The following GLIS1 variants were observed in gnomAD, a reference collection of about 807,000 sequenced individuals.
The protein encoded by GLIS1 is GLIS family zinc finger 1, also known as zinc finger protein GLIS1.
In GLIS1, 24 loss-of-function variants were observed where a neutral mutation model predicts 63.8. The ratio of observed to expected loss-of-function variants is 0.38; its 90% CI spans 0.27 to 0.53. GLIS1 has a LOEUF of 0.53. Ranked by LOEUF, GLIS1 falls within the 20% of genes least tolerant of loss-of-function variation. The probability of loss-of-function intolerance (pLI) is 0.85; values close to 1 mark genes in which losing one functional copy is unlikely to be tolerated. For missense variants in GLIS1, 1,036 were observed against 1,074.1 expected (o/e 0.96, Z 0.50); for synonymous variants, 450 against 482.5 (o/e 0.93, Z 0.88).
chr1:53,510,048 C>CA (rs1644283473), intron 8 of GLIS1, 21 bp from the exon 9 acceptor site: 1 of 1,251,862 alleles, frequency 8.0e-7, no homozygotes, highest in African/African-American at 1.5e-5. Flanking sequence ...CAGAGGTGCC[C>CA]ATCAGCAGGC....
chr1:53,646,950 GGGAAGGGAAGGAAAGGAAGGAAAGGAA>G lies in GLIS1; in HGVS notation c.260-46699_260-46673del, dbSNP rs1412387146. ...GAAGGAAAGAAGGAAGGAAAGGGAA[GGGAAGGGAAGGAAAGGAAGGAAAGGAA>G]GGAAAGGAAGGAAAGGAAGGAAGGG... On this transcript the variant is annotated intron_variant, in intron 2 of 10. Transcript: ENST00000628545. The surrounding 1 kb of genome is among the most constrained non-coding windows in gnomAD (Gnocchi z 4.2). 6.8e-6 allele frequency among the ~76,000 whole-genome samples: 1 copy of G among 146,034 alleles called. No homozygotes were observed. Among genetic ancestry groups the G allele is most frequent in the Non-Finnish European group, 1.5e-5 (1 of 66,394 alleles).
Position 53,512,855 on chromosome 1 carries a change from C to CGGCT in GLIS1, c.1883+1766_1883+1769dup, listed in dbSNP as rs540239426. 1.3e-3 allele frequency among the ~76,000 whole-genome samples: 202 copies of CGGCT among 151,314 alleles called. 2 individuals are homozygous for CGGCT. Among genetic ancestry groups the CGGCT allele is most frequent in the African/African-American group, 4.3e-3 (177 of 41,174 alleles). On this transcript the variant is annotated intron_variant, in intron 8 of 10. Coordinates refer to ENST00000628545, the MANE Select transcript of GLIS1 (RefSeq NM_001367484.1). ...TTTTCCTTTGGTTGGAGATGTTTTT[C>CGGCT]GGCTGGTTGGTGGGTGAGCAGGTGG...
chr1:53,506,662 T>C lies in GLIS1; in HGVS notation c.2345A>G (p.Asp782Gly), dbSNP rs751734065. 3 of 1,585,228 alleles carry C rather than the reference T, an allele frequency of 1.9e-6. No individual in the cohort carries two copies. The highest frequency in any genetic ancestry group is 2.9e-5 in the African/African-American group (2 of 68,464). The change falls in exon 11 of 11, where the codon GAC becomes GGC. Residue 782 changes from aspartate (D) to glycine (G), a missense_variant. Around this residue, in one of 3 missense-constraint regions of GLIS1, gnomAD observed 400 missense variants for 400.9 expected, o/e 1.00. Coordinates refer to ENST00000628545, the MANE Select transcript of GLIS1 (RefSeq NM_001367484.1). ...GGAGGGGATGTGGCCCAGGCAGTGG[T>C]CAAAGGCTCCATTGGGGAAGAAGCC... ...DCGFFPNGAF[D>G]HCLGHIPSIY...
In GLIS1 at chr1:53,511,330, G is replaced by A. The variant is rs1644296215; in HGVS notation, c.1884-1303C>T. Reference sequence around the variant, plus strand: ...ACACCAAGTATTGACAAACAGATCAGTGCCTCTCTGAAGGAAGCAGGGCTA... The same window carrying A: ...ACACCAAGTATTGACAAACAGATCAATGCCTCTCTGAAGGAAGCAGGGCTA... On this transcript the variant is annotated intron_variant, in intron 8 of 10. Coordinates refer to ENST00000628545, the MANE Select transcript of GLIS1 (RefSeq NM_001367484.1). This position sits in a 1 kb window ranked among gnomAD's most constrained non-coding sequence, Gnocchi z 4.2. Among the ~76,000 whole-genome samples, 1 of 152,196 alleles carries A rather than the reference G, an allele frequency of 6.6e-6. No individual in the cohort carries two copies. The highest frequency in any genetic ancestry group is 2.4e-5 in the African/African-American group (1 of 41,452).
chr1:53,729,887 T>A (rs1483700153), intron 2 of GLIS1, among the ~76,000 whole-genome samples: 3 of 152,206 alleles, frequency 2.0e-5, no homozygotes, highest in Non-Finnish European at 4.4e-5. Flanking sequence ...AATGCCACGA[T>A]ATTACCTGGG....
intron 2 of GLIS1, among the ~76,000 whole-genome samples, chr1:53,621,067 C>T (rs1645537736): frequency 6.6e-6 from 1 of 152,194 alleles, no homozygotes; most frequent in Admixed American, 6.5e-5. Context: ...TGAACTTTGC[C>T]CCTCACCTGC....
intron 2 of GLIS1, among the ~76,000 whole-genome samples, chr1:53,665,190 G>T (rs752590474): frequency 5.3e-5 from 8 of 152,134 alleles, no homozygotes; most frequent in Non-Finnish European, 8.8e-5. Context: ...GGTCAGATTT[G>T]GCCTGTGTTG....
chr1:53,681,290 G>A (rs1322877178), intron 2 of GLIS1, among the ~76,000 whole-genome samples: 1 of 152,246 alleles, frequency 6.6e-6, no homozygotes, highest in Non-Finnish European at 1.5e-5. Flanking sequence ...TCAGAACCAG[G>A]GCTGCAGCCT....
At chr1:53,622,623 A>G (rs1037548276) in intron 2 of GLIS1, among the ~76,000 whole-genome samples, 2 of 152,154 alleles carry the variant, frequency 1.3e-5, no homozygotes, top group Non-Finnish European at 2.9e-5. Context: ...TATGAGAGAC[A>G]TACACAGGAG....
chr1:53,618,731 G>A (rs975124468), intron 2 of GLIS1, among the ~76,000 whole-genome samples: 5 of 152,176 alleles, frequency 3.3e-5, no homozygotes, highest in Non-Finnish European at 7.4e-5. Flanking sequence ...TGCCAACATT[G>A]CCAAGGAGAA....
At position 53,560,793 on chromosome 1, in the gene GLIS1, C is replaced by A. The variant is rs1278627827; in HGVS notation, c.1321-30841G>T. On this transcript the variant is annotated intron_variant, in intron 4 of 10. Coordinates refer to ENST00000628545, the MANE Select transcript of GLIS1 (RefSeq NM_001367484.1). This position sits in a 1 kb window ranked among gnomAD's most constrained non-coding sequence, Gnocchi z 4.4. ...GTGGCCCACGACAGTGGCGATGAGTCCTTGGACTCCACCCATACCTCAGTA... is the reference window on the plus strand; with the variant it reads ...GTGGCCCACGACAGTGGCGATGAGTACTTGGACTCCACCCATACCTCAGTA... Among the ~76,000 whole-genome samples the A allele has an allele frequency of 6.6e-6, 1 of 152,172 alleles. No individual in the cohort carries two copies. The highest frequency in any genetic ancestry group is 2.4e-5 in the African/African-American group (1 of 41,428).
chr1:53,729,133 C>T (rs1646833498), intron 2 of GLIS1, among the ~76,000 whole-genome samples: 1 of 152,108 alleles, frequency 6.6e-6, no homozygotes, highest in African/African-American at 2.4e-5. Context: ...GATTTTTGTC[C>T]TTATACTTAG....
chr1:53,727,217 A>T (rs1646813871), intron 2 of GLIS1, among the ~76,000 whole-genome samples: 1 of 152,206 alleles, frequency 6.6e-6, no homozygotes, highest in Admixed American at 6.5e-5. Flanking sequence ...CCAACTACCC[A>T]AAGGGGGCTT....
chr1:53,683,119 G>GA (rs1329171851), intron 2 of GLIS1, among the ~76,000 whole-genome samples: 6 of 152,166 alleles, frequency 3.9e-5, no homozygotes. Context: ...AGAAGGAAAG[G>GA]AAAGAAGGCG....
intron 7 of GLIS1, among the ~76,000 whole-genome samples, chr1:53,516,743 G>A (rs912552152): frequency 1.3e-5 from 2 of 151,784 alleles, no homozygotes; most frequent in Non-Finnish European, 2.9e-5. Flanking sequence ...AACCCGAAAC[G>A]CGGAGGTTGC....
chr1:53,723,275 A>C (rs1570105363), intron 2 of GLIS1, among the ~76,000 whole-genome samples: 1 of 147,358 alleles, frequency 6.8e-6, no homozygotes, highest in East Asian at 2.0e-4. Flanking sequence ...TCACTCTGTC[A>C]CCCAGGCTGG....
At chr1:53,709,421 C>CATATATAT (rs749053965) in intron 2 of GLIS1, among the ~76,000 whole-genome samples, 3,486 of 42,330 alleles carry the variant, frequency 0.082, 122 homozygotes, top group South Asian at 0.18. Flanking sequence ...TACACACACA[C>CATATATAT]ACACACACAC....
intron 2 of GLIS1, among the ~76,000 whole-genome samples, chr1:53,622,066 G>A (rs1035772077): frequency 3.9e-5 from 6 of 152,026 alleles, no homozygotes; most frequent in South Asian, 2.1e-4. Flanking sequence ...GATTACAGAC[G>A]TGCCACTGCG....
At chr1:53,678,727 A>G (rs1646242372) in intron 2 of GLIS1, among the ~76,000 whole-genome samples, 1 of 152,242 alleles carries the variant, frequency 6.6e-6, no homozygotes, top group African/African-American at 2.4e-5. Context: ...ACTATCAGCC[A>G]GAACACAGAC....
Sources: gnomAD v4.1 joint callset for allele counts (sites outside exome capture counted in the v4.1 genomes callset) on GRCh38, gnomAD v4.1.1 for gene constraint, gnomAD v4.1.1 regional missense constraint, Gnocchi (gnomAD v3.1) non-coding constraint, MANE v1.5 for transcripts, NCBI Gene and HGNC (gene_info 2026-07-23, HGNC 2026-07-21) for gene names.